Variants in WDFY3 observed in about 807,000 individuals in gnomAD.
The protein encoded by WDFY3 is WD repeat and FYVE domain containing 3, also known as WD repeat and FYVE domain-containing protein 3.
In WDFY3, 66 loss-of-function variants were observed where a neutral mutation model predicts 409.6. The ratio of observed to expected loss-of-function variants is 0.16; its 90% confidence interval spans 0.13 to 0.20. WDFY3 has a LOEUF of 0.20. Ranked by LOEUF, WDFY3 falls within the 10% of genes least tolerant of loss-of-function variation. The pLI is 1.00. For missense variants in WDFY3, 3,031 were observed against 4,298.1 expected, an observed-to-expected ratio of 0.71 and a Z score of 8.24; for synonymous variants, 1,521 against 1,537.1, an observed-to-expected ratio of 0.99 and a Z score of 0.25.
At position 84,817,592 on chromosome 4, in the gene WDFY3, G is replaced by A. The variant is rs570489591; in HGVS notation, c.1694-7C>T. On this transcript the variant is annotated splice_polypyrimidine_tract_variant and splice_region_variant and intron_variant, in intron 12 of 67. Transcript: ENST00000295888. Reference sequence around the variant, plus strand: ...CCAAATTCTCGAAAAATTCCTTGAAGGAAGGAGAAAAAGTCCAACAATGGC... The same window carrying A: ...CCAAATTCTCGAAAAATTCCTTGAAAGAAGGAGAAAAAGTCCAACAATGGC... 6.3e-7 allele frequency: 1 copy of A among 1,586,730 alleles called. No individual in the cohort carries two copies. The highest frequency in any genetic ancestry group is 1.1e-5 in the South Asian group (1 of 87,684).
intron 8 of WDFY3, among the ~76,000 whole-genome samples, chr4:84,831,184 CCA>C (rs1755665779): frequency 1.4e-5 from 1 of 69,906 alleles, no homozygotes. Flanking sequence ...GAGACTCCAT[CCA>C]AAAAAAAAAA....
At chr4:84,954,523 G>A (rs1774000726) in intron 1 of WDFY3, among the ~76,000 whole-genome samples, 1 of 152,194 alleles carries the variant, frequency 6.6e-6, no homozygotes, top group African/African-American at 2.4e-5. Flanking sequence ...TAAATTTATA[G>A]GGATTTCTAG....
intron 3 of WDFY3, among the ~76,000 whole-genome samples, chr4:84,893,551 C>A (rs1426659022): frequency 6.6e-6 from 1 of 152,170 alleles, no homozygotes. Context: ...TTTTCCTCAC[C>A]TACTGATGAT....
chr4:84,757,574 TATG>T (rs2149334486), intron 32 of WDFY3, among the ~76,000 whole-genome samples: 1 of 152,274 alleles, frequency 6.6e-6, no homozygotes, highest in Admixed American at 6.5e-5. Flanking sequence ...ATATCCTTGT[TATG>T]ATATATTTTT....
At chr4:84,903,368 G>A (rs898299924) in intron 2 of WDFY3, among the ~76,000 whole-genome samples, 1 of 152,138 alleles carries the variant, frequency 6.6e-6, no homozygotes, top group Non-Finnish European at 1.5e-5. Context: ...GGCACAGGCT[G>A]GAATGCAGTA....
intron 47 of WDFY3, among the ~76,000 whole-genome samples, chr4:84,719,188 TC>T (rs1373186160): frequency 6.6e-6 from 1 of 152,212 alleles, no homozygotes; most frequent in African/African-American, 2.4e-5. Context: ...TCTTTTTCCA[TC>T]ATACCCCCTG....
chr4:84,799,849 CT>C (rs1311950861), intron 17 of WDFY3, among the ~76,000 whole-genome samples: 1 of 152,168 alleles, frequency 6.6e-6, no homozygotes, highest in African/African-American at 2.4e-5. Flanking sequence ...CATTTGACTT[CT>C]TTTTTCTGAG....
At chr4:84,674,594 G>C (rs1034777202) in intron 67 of WDFY3, among the ~76,000 whole-genome samples, 3 of 150,504 alleles carry the variant, frequency 2.0e-5, no homozygotes, top group African/African-American at 7.3e-5. Flanking sequence ...TATAGGCTGG[G>C]TGCGGAGGCT....
At chr4:84,953,161 C>T (rs556445073) in intron 1 of WDFY3, among the ~76,000 whole-genome samples, 2 of 150,568 alleles carry the variant, frequency 1.3e-5, no homozygotes, top group South Asian at 4.2e-4. Flanking sequence ...AAGGATATTA[C>T]ACTATGTGAA....
chr4:84,809,610 A>C, intron 14 of WDFY3: 1 of 312,012 alleles, frequency 3.2e-6, no homozygotes, highest in Non-Finnish European at 5.9e-6. Flanking sequence ...AGTAAACACT[A>C]TCATTAAAGG....
chr4:84,827,576 T>C (rs116652615), intron 9 of WDFY3, among the ~76,000 whole-genome samples: 2,718 of 152,236 alleles, frequency 0.018, 32 homozygotes, highest in Admixed American at 0.029. Flanking sequence ...AAGATTTGGA[T>C]TATATCTTTA....
chr4:84,763,866 AG>A (rs534703080), intron 32 of WDFY3, among the ~76,000 whole-genome samples: 115 of 152,320 alleles, frequency 7.5e-4, no homozygotes, highest in African/African-American at 2.6e-3. Flanking sequence ...ACACAGTGAA[AG>A]CACCTCTCTC....
Position 84,809,947 on chromosome 4 carries a change from AACG to A in WDFY3, c.2282_2284del (p.Thr761_Leu762delinsIle). ...AATAAAAAGTTTACTGCAGTGCCGT[AACG>A]TGGGTGACACTGATTCTATTGAGAT... On this transcript the variant is annotated inframe_deletion, in exon 14 of 68. Coordinates refer to ENST00000295888, the MANE Select transcript of WDFY3 (RefSeq NM_014991.6). 1 of 1,614,186 alleles carries A rather than the reference AACG, an allele frequency of 6.2e-7. No individual in the cohort carries two copies. The highest frequency in any genetic ancestry group is 1.1e-5 in the South Asian group (1 of 91,088).
intron 15 of WDFY3, among the ~76,000 whole-genome samples, chr4:84,805,877 T>C (rs1751421913): frequency 6.6e-6 from 1 of 152,210 alleles, no homozygotes; most frequent in Non-Finnish European, 1.5e-5. Flanking sequence ...TGTTCAGCTA[T>C]AATTCTGTTC....
chr4:84,677,916 T>C (rs1387839354), intron 66 of WDFY3, among the ~76,000 whole-genome samples: 1 of 146,282 alleles, frequency 6.8e-6, no homozygotes, highest in African/African-American at 2.6e-5. Flanking sequence ...TGAGCTGTGA[T>C]TGTGCCCCTG....
intron 14 of WDFY3, 38 bp downstream of exon 14, chr4:84,809,849 A>C (rs756124554): frequency 6.3e-7 from 1 of 1,580,304 alleles, no homozygotes; most frequent in Non-Finnish European, 8.6e-7. Flanking sequence ...CATGCTTAGT[A>C]TACACCCTTT....
At chr4:84,790,090 C>A (rs1485479172) in intron 21 of WDFY3, among the ~76,000 whole-genome samples, 183 bp from the exon 22 acceptor site, 1 of 152,060 alleles carries the variant, frequency 6.6e-6, no homozygotes, top group Non-Finnish European at 1.5e-5. Context: ...TGGCTCACAC[C>A]TGTAATGTCA....
chr4:84,891,261 T>C (rs891446721), intron 3 of WDFY3, among the ~76,000 whole-genome samples: 1 of 152,216 alleles, frequency 6.6e-6, no homozygotes, highest in Non-Finnish European at 1.5e-5. Flanking sequence ...ACTAATGCCA[T>C]GTAATAAGTA....
At chr4:84,677,961 C>CAAAAA (rs986393073) in intron 66 of WDFY3, among the ~76,000 whole-genome samples, 23 of 21,162 alleles carry the variant, frequency 1.1e-3, no homozygotes, top group South Asian at 1.7e-3. Flanking sequence ...GACCCTGTCT[C>CAAAAA]AAAAAAAAAA....
Sources: allele counts gnomAD v4.1 joint callset (sites outside exome capture counted in the v4.1 genomes callset), GRCh38; gene constraint gnomAD v4.1.1; transcripts MANE v1.5; gene names NCBI Gene and HGNC (gene_info 2026-07-23, HGNC 2026-07-21).